GATAD1: variants seen among roughly 807,000 people sequenced by gnomAD.
GATAD1 encodes the protein GATA zinc finger domain-containing protein 1.
Under a neutral mutation model 26.5 loss-of-function variants are expected in GATAD1, and 12 were observed. The ratio of observed to expected loss-of-function variants is 0.45; its 90% CI spans 0.29 to 0.73. The LOEUF (loss-of-function observed/expected upper bound fraction) is 0.73. Among genes scored for constraint, GATAD1 ranks in the 30% least tolerant of loss-of-function variants. The probability of loss-of-function intolerance (pLI) is 0.10; values close to 1 mark genes in which losing one functional copy is unlikely to be tolerated. For missense variants in GATAD1, 266 were observed against 342.1 expected, an observed-to-expected ratio of 0.78 and a Z score of 1.75; for synonymous variants, 129 against 133.1, an observed-to-expected ratio of 0.97 and a Z score of 0.21.
At chr7:92,489,781 T>C in the GATAD1 span, 1 of 1,614,168 alleles carries the variant, frequency 6.2e-7, no homozygotes, top group Non-Finnish European at 8.5e-7. Context: ...TCTTTGTTCT[T>C]GTGTAAGTTC....
At chr7:92,469,259 G>C in the GATAD1 span, 1 of 764,292 alleles carries the variant, frequency 1.3e-6, no homozygotes, top group Non-Finnish European at 2.4e-6. Flanking sequence ...ACTGCTGCTA[G>C]GGAGTTAAGT....
intron 2 of GATAD1, chr7:92,449,630 A>G: frequency 1.0e-6 from 1 of 980,244 alleles, no homozygotes; most frequent in Non-Finnish European, 1.2e-6. Context: ...TCTAAAACAC[A>G]AAGGGACCCT....
At chr7:92,483,031 G>A in the GATAD1 span, among the ~76,000 whole-genome samples, 1 of 152,222 alleles carries the variant, frequency 6.6e-6, no homozygotes, top group African/African-American at 2.4e-5. Context: ...GACTTCTGAA[G>A]TGATCGGGCA....
At chr7:92,483,177 A>T in the GATAD1 span, among the ~76,000 whole-genome samples, 16 of 152,284 alleles carry the variant, frequency 1.1e-4, no homozygotes, top group South Asian at 3.3e-3. Flanking sequence ...GTCCTGCACA[A>T]ATGGGACGTG....
the GATAD1 span, chr7:92,469,107 T>C: frequency 1.4e-6 from 1 of 702,336 alleles, no homozygotes; most frequent in Non-Finnish European, 2.6e-6. Flanking sequence ...CTCTACGTTG[T>C]ATTCGATCTC....
intron 3 of GATAD1, among the ~76,000 whole-genome samples, chr7:92,453,270 G>A (rs1789517222): frequency 6.6e-6 from 1 of 152,288 alleles, no homozygotes; most frequent in South Asian, 2.1e-4. Flanking sequence ...CACTGTTCCC[G>A]TAGTCAAGGA....
At chr7:92,464,189 A>G (rs1197641902), downstream of GATAD1, among the ~76,000 whole-genome samples, 1 of 152,192 alleles carries the variant, frequency 6.6e-6, no homozygotes, top group Non-Finnish European at 1.5e-5. Flanking sequence ...TTATAATTTA[A>G]AAATCTCCCA....
At chr7:92,494,052 T>G in the GATAD1 span, 4 of 432,304 alleles carry the variant, frequency 9.3e-6, no homozygotes, top group East Asian at 1.8e-4. Context: ...GTTTCTTGCA[T>G]TTTTTTTTCC....
downstream of GATAD1, among the ~76,000 whole-genome samples, chr7:92,462,445 A>G (rs909517647): frequency 6.6e-6 from 1 of 152,158 alleles, no homozygotes; most frequent in African/African-American, 2.4e-5. Context: ...AAACAAAATA[A>G]CAAGCATAGT....
At chr7:92,494,063 C>T in the GATAD1 span, 4 of 479,238 alleles carry the variant, frequency 8.3e-6, no homozygotes, top group African/African-American at 2.0e-5. Context: ...TTTTTTTTCC[C>T]CAATCAGCCA....
chr7:92,488,665 T>C, the GATAD1 span, among the ~76,000 whole-genome samples: 2 of 152,152 alleles, frequency 1.3e-5, no homozygotes, highest in South Asian at 2.1e-4. Flanking sequence ...CAAAATTTTA[T>C]AAACTATACA....
At chr7:92,481,246 A>T in the GATAD1 span, among the ~76,000 whole-genome samples, 1 of 152,342 alleles carries the variant, frequency 6.6e-6, no homozygotes, top group Middle Eastern at 3.4e-3. Flanking sequence ...ACATACAATC[A>T]TCAGGGTCAG....
In GATAD1 at chr7:92,456,502, GACTC is replaced by G. The variant is rs1444462790; in HGVS notation, c.752_755del (p.Thr251MetfsTer8). The stretch of plus-strand genomic sequence containing the variant: ...CCAGACCAGAGAAGGGCTACATATG[GACTC>G]ATGTTGGGCCTACTCCTGCAATAAC... On this transcript the variant is annotated frameshift_variant, in exon 5 of 5. Coordinates refer to ENST00000287957, the MANE Select transcript of GATAD1 (RefSeq NM_021167.5). LOFTEE classifies it high-confidence loss of function. 6.2e-7 allele frequency: 1 copy of G among 1,613,098 alleles called. No homozygotes were observed. The highest frequency in any genetic ancestry group is 8.5e-7 in the Non-Finnish European group (1 of 1,179,278).
At chr7:92,479,613 A>G in the GATAD1 span, among the ~76,000 whole-genome samples, 22 of 152,302 alleles carry the variant, frequency 1.4e-4, no homozygotes, top group Non-Finnish European at 2.9e-4. Flanking sequence ...ATTAATAAGA[A>G]AAATAATGTA....
At chr7:92,470,747 C>A in the GATAD1 span, 1 of 182,870 alleles carries the variant, frequency 5.5e-6, no homozygotes, top group Non-Finnish European at 1.3e-5. Context: ...GAGGTGATGT[C>A]TGCAACTAAG....
At chr7:92,492,100 A>AAAGGCT in the GATAD1 span, among the ~76,000 whole-genome samples, 1 of 152,222 alleles carries the variant, frequency 6.6e-6, no homozygotes, top group African/African-American at 2.4e-5. Flanking sequence ...TCTTTAGAGA[A>AAAGGCT]AAGGCTGATG....
At chr7:92,471,409 G>A in the GATAD1 span, 1 of 152,468 alleles carries the variant, frequency 6.6e-6, no homozygotes, top group South Asian at 2.1e-4. Context: ...GGGTGCTATC[G>A]ATGCCTAAGT....
chr7:92,464,340 G>A (rs1790027762), downstream of GATAD1, among the ~76,000 whole-genome samples: 1 of 152,280 alleles, frequency 6.6e-6, no homozygotes, highest in African/African-American at 2.4e-5. Context: ...CTCAGGAGAC[G>A]TGCAATGCAG....
Position 92,447,509 on chromosome 7 carries a change from C to G in GATAD1, c.-221C>G, listed in dbSNP as rs1789194826. On this transcript the variant is annotated 5_prime_UTR_variant, in exon 1 of 5. Transcript: ENST00000287957. ...TTCCCAGTCCTGCTTCCCAGTGCCTCGGGCCAGGGAATCCTGGCCTCCGCC... is the reference window on the plus strand; with the variant it reads ...TTCCCAGTCCTGCTTCCCAGTGCCTGGGGCCAGGGAATCCTGGCCTCCGCC... 2.5e-6 allele frequency: 1 copy of G among 401,674 alleles called. No individual in the cohort carries two copies. Among genetic ancestry groups the G allele is most frequent in the South Asian group, 5.2e-5 (1 of 19,410 alleles). The allele number at this position is 401,674 out of a possible 1,614,324, so 24.9% of individuals were successfully genotyped here. A position where few individuals can be genotyped will look rare whatever the true frequency, so the allele number is the denominator to read the frequency against.
Sources: gnomAD v4.1 joint callset for allele counts (sites outside exome capture counted in the v4.1 genomes callset) on GRCh38, gnomAD v4.1.1 for gene constraint, MANE v1.5 for transcripts, NCBI Gene and HGNC (gene_info 2026-07-23, HGNC 2026-07-21) for gene names.